REV3L: variants seen among roughly 807,000 people sequenced by gnomAD.
REV3L encodes the protein REV3 like, DNA directed polymerase zeta catalytic subunit, also known as DNA polymerase zeta catalytic subunit.
A neutral mutation model predicts 299.4 loss-of-function variants in REV3L; 69 were observed. That is an observed-to-expected ratio of 0.23 (90% CI 0.19 to 0.28). The LOEUF is 0.28. REV3L is among the 10% of genes least tolerant of loss of function. REV3L has a pLI of 1.00. For missense variants in REV3L, 3,128 were observed against 3,693.8 expected (o/e 0.85, Z 3.97); for synonymous variants, 1,238 against 1,271.4 (o/e 0.97, Z 0.56).
At chr6:111,377,345 A>AT (rs949132228) in intron 12 of REV3L, among the ~76,000 whole-genome samples, 2 of 128,498 alleles carry the variant, frequency 1.6e-5, no homozygotes, top group African/African-American at 2.5e-5. Flanking sequence ...TTTATTTATT[A>AT]TTTTTTTTGG....
chr6:111,392,384 T>G (rs1782021799), intron 5 of REV3L, among the ~76,000 whole-genome samples: 1 of 152,098 alleles, frequency 6.6e-6, no homozygotes, highest in South Asian at 2.1e-4. Context: ...ATCCAAGCAT[T>G]TGGAATATAC....
intron 18 of REV3L, among the ~76,000 whole-genome samples, chr6:111,355,529 T>G (rs1488740097): frequency 6.6e-6 from 1 of 152,184 alleles, no homozygotes; most frequent in Non-Finnish European, 1.5e-5. Context: ...AGCATTTTTC[T>G]TTTTATGACA....
Position 111,374,061 on chromosome 6 carries a change from T to C in REV3L, c.4294A>G (p.Ile1432Val). ...TCACTGTGCTTTGACTGTTCCGCTA[T>C]GCACACAATCTGCTGCTGACTGTCT... ...CKDSQQQIVC[I>V]AEQSKHSETC... is the part of the protein sequence containing the mutation. The change falls in exon 13 of 32, where the codon ATA becomes GTA. Residue 1432 changes from isoleucine to valine, a missense_variant. Physicochemically the swap from Ile to Val is conservative, Grantham distance 29. Transcript: ENST00000368802. 6.2e-7 allele frequency: 1 copy of C among 1,614,166 alleles called. No homozygotes were observed. Among genetic ancestry groups the C allele is most frequent in the Non-Finnish European group, 8.5e-7 (1 of 1,179,980 alleles).
chr6:111,460,585 G>C (rs1392541471), intron 1 of REV3L, among the ~76,000 whole-genome samples: 2 of 151,846 alleles, frequency 1.3e-5, no homozygotes, highest in African/African-American at 2.4e-5. Flanking sequence ...GAGAAACAAA[G>C]ATAATTTATT....
At chr6:111,343,887 G>A in intron 21 of REV3L, 38 bp downstream of exon 21, 5 of 1,302,286 alleles carry the variant, frequency 3.8e-6, no homozygotes, top group Non-Finnish European at 5.4e-6. Context: ...TCTCAATGAT[G>A]ATTTTATATT....
chr6:111,354,775 C>A (rs1035843446), intron 18 of REV3L, among the ~76,000 whole-genome samples: 3 of 152,026 alleles, frequency 2.0e-5, no homozygotes, highest in African/African-American at 7.2e-5. Context: ...GTGGTGAAAA[C>A]AACCCAAAAC....
chr6:111,311,396 A>G, intron 28 of REV3L, 137 bp from the exon 29 acceptor site: 2 of 513,110 alleles, frequency 3.9e-6, no homozygotes, highest in Non-Finnish European at 6.5e-6. Flanking sequence ...CAATGATGGG[A>G]TAATAAAATT....
chr6:111,446,434 T>C (rs1788844038), intron 1 of REV3L, among the ~76,000 whole-genome samples: 1 of 152,192 alleles, frequency 6.6e-6, no homozygotes, highest in African/African-American at 2.4e-5. Context: ...GCACGGTGGC[T>C]GGCTCACGCT....
At chr6:111,308,105 G>A in intron 30 of REV3L, 1 of 334,738 alleles carries the variant, frequency 3.0e-6, no homozygotes, top group Non-Finnish European at 5.9e-6. Context: ...TCCCTGCAAA[G>A]GACATGAACT....
intron 1 of REV3L, among the ~76,000 whole-genome samples, chr6:111,435,489 C>A (rs971971910): frequency 6.6e-6 from 1 of 152,074 alleles, no homozygotes; most frequent in Non-Finnish European, 1.5e-5. Context: ...GAACAGAGAA[C>A]CTACATATAA....
chr6:111,309,577 C>T (rs1772727139), intron 30 of REV3L: 1 of 274,730 alleles, frequency 3.6e-6, no homozygotes, highest in Non-Finnish European at 6.8e-6. Context: ...AGGATTGGGG[C>T]ATGGCAGGCC....
At chr6:111,402,634 A>G (rs1158084197) in intron 4 of REV3L, among the ~76,000 whole-genome samples, 1 of 152,208 alleles carries the variant, frequency 6.6e-6, no homozygotes, top group Admixed American at 6.5e-5. Context: ...ACGGCAACAA[A>G]AAGAAACCCT....
Position 111,405,696 on chromosome 6 carries a change from T to C in REV3L, c.405-66A>G, listed in dbSNP as rs1286366206. 20 of 1,110,312 alleles carry C rather than the reference T, an allele frequency of 1.8e-5. No individual in the cohort carries two copies. In the South Asian group the frequency reaches 2.2e-4, roughly 12 times the overall value. The allele number at this position is 1,110,312 out of a possible 1,614,324, so 68.8% of individuals were successfully genotyped here. A position where few individuals can be genotyped will look rare whatever the true frequency, so the allele number is the denominator to read the frequency against. On this transcript the variant is annotated intron_variant, in intron 3 of 31. Coordinates refer to ENST00000368802, the MANE Select transcript of REV3L (RefSeq NM_001372078.1). ...CCTAAAATGTTAAATGAAACAATGA[T>C]TATAGAAATATACAGAACAAAGCAC...
intron 25 of REV3L, among the ~76,000 whole-genome samples, chr6:111,328,222 A>G (rs2114812894): frequency 6.6e-6 from 1 of 152,332 alleles, no homozygotes. Context: ...ATACTAGTAA[A>G]TATGGAATGA....
intron 1 of REV3L, among the ~76,000 whole-genome samples, chr6:111,470,243 G>A (rs963700228): frequency 2.6e-5 from 4 of 151,814 alleles, no homozygotes; most frequent in African/African-American, 4.8e-5. Context: ...CACGGTCACT[G>A]TCACATCTCA....
At chr6:111,352,110 G>A (rs946230036) in intron 18 of REV3L, among the ~76,000 whole-genome samples, 3 of 151,636 alleles carry the variant, frequency 2.0e-5, no homozygotes, top group Admixed American at 1.3e-4. Flanking sequence ...AGGTTCAAAC[G>A]ATTCTCCTGC....
Position 111,351,723 on chromosome 6 carries a change from GC to G in REV3L, c.7252del (p.Ala2418LeufsTer4). On this transcript the variant is annotated frameshift_variant, in exon 19 of 32. Transcript: ENST00000368802. LOFTEE classifies it high-confidence loss of function. ...MHSWGYLLQR[A>X]AALSIDLCRM... ...ACATAAGTCAATACTTAAAGCGGCA[GC>G]CCTTTGTAAGAGGTAACCCCAGGAA... The G allele has an allele frequency of 6.2e-7, 1 of 1,613,766 alleles. No homozygotes were observed. Among genetic ancestry groups the G allele is most frequent in the Non-Finnish European group, 8.5e-7 (1 of 1,179,798 alleles).
chr6:111,318,732 G>A (rs577926545), intron 26 of REV3L, among the ~76,000 whole-genome samples: 12 of 151,854 alleles, frequency 7.9e-5, no homozygotes, highest in African/African-American at 2.7e-4. Context: ...GACCACGCCC[G>A]GCTAATTTTG....
intron 13 of REV3L, 81 bp from the exon 14 acceptor site, chr6:111,368,109 T>C (rs1268211616): frequency 7.9e-7 from 1 of 1,259,618 alleles, no homozygotes; most frequent in East Asian, 2.5e-5. Context: ...CTAGATAAAG[T>C]CCCTTTTGGA....
Sources: gnomAD v4.1 joint callset for allele counts (sites outside exome capture counted in the v4.1 genomes callset) on GRCh38, gnomAD v4.1.1 for gene constraint, MANE v1.5 for transcripts, NCBI Gene and HGNC (gene_info 2026-07-23, HGNC 2026-07-21) for gene names.